The following TCIRG1 variants were observed in gnomAD, a reference collection of about 807,000 sequenced individuals.
TCIRG1 encodes the protein T cell immune regulator 1, ATPase H+ transporting V0 subunit a3.
Under a neutral mutation model 95.5 loss-of-function variants are expected in TCIRG1, and 86 were observed. That is an observed-to-expected ratio of 0.90 (90% confidence interval 0.76 to 1.08). The LOEUF (loss-of-function observed/expected upper bound fraction) is 1.08, where lower values mean the gene tolerates loss of function less well. TCIRG1 is among the 50% of genes least tolerant of loss of function. TCIRG1 has a pLI of 0.00. For synonymous variants in TCIRG1, 499 were observed against 501.3 expected (o/e 1.00, Z 0.06); for missense variants, 1,069 against 1,140.2 (o/e 0.94, Z 0.90).
intron 15 of TCIRG1, 108 bp from the exon 16 acceptor site, chr11:68,049,555 G>C (rs1855685635): frequency 6.8e-7 from 1 of 1,469,678 alleles, no homozygotes; most frequent in Non-Finnish European, 9.2e-7. Context: ...GGGGGCCCTG[G>C]AGGGAGGAGC....
chr11:68,040,833 C>T (rs549569064), intron 1 of TCIRG1, among the ~76,000 whole-genome samples: 194 of 152,324 alleles, frequency 1.3e-3, no homozygotes, highest in African/African-American at 4.5e-3. Context: ...CCACTCAGCA[C>T]ATGCAGCTCC....
At chr11:68,048,790 G>T in intron 13 of TCIRG1, 89 bp from the exon 14 acceptor site, 1 of 976,992 alleles carries the variant, frequency 1.0e-6, no homozygotes. Flanking sequence ...GGGAAAACAG[G>T]GTGGTGAGAG....
chr11:68,049,394 G>C, intron 15 of TCIRG1, 100 bp downstream of exon 15: 2 of 1,307,078 alleles, frequency 1.5e-6, no homozygotes, highest in Admixed American at 2.2e-5. Context: ...GAGAAACGGG[G>C]ATGCAGGCCC....
rs573002924 is a variant in TCIRG1, at chr11:68,050,140, G to A, written c.2122G>A (p.Val708Ile). The A allele has an allele frequency of 2.0e-5, 33 of 1,613,050 alleles. No homozygotes were observed. The highest frequency in any genetic ancestry group is 1.8e-4 in the East Asian group (8 of 44,872). Residue 708 changes from valine to isoleucine, a missense_variant, in exon 18 of 20, where the codon GTC (valine) becomes ATC (isoleucine). Physicochemically the swap from Val to Ile is conservative, Grantham distance 29 (BLOSUM62 3). Coordinates refer to ENST00000265686, the MANE Select transcript of TCIRG1 (RefSeq NM_006019.4). ...GLDDEEEAELVPSEVLMHQAI... is the reference protein window; with the variant it reads ...GLDDEEEAELIPSEVLMHQAI... ...CCTCACTGCACCCGCCCCGCAGCTCGTCCCCTCCGAGGTGCTCATGCACCA... is the reference window on the plus strand; with the variant it reads ...CCTCACTGCACCCGCCCCGCAGCTCATCCCCTCCGAGGTGCTCATGCACCA...
At position 68,049,213 on chromosome 11, in the gene TCIRG1, G is replaced by T; in HGVS notation, c.1806G>T (p.Ser602=). 8 of 1,613,800 alleles carry T rather than the reference G, an allele frequency of 5.0e-6. No homozygotes were observed. Among genetic ancestry groups the T allele is most frequent in the Non-Finnish European group, 5.9e-6 (7 of 1,180,006 alleles). The change falls in exon 15 of 20, where the codon TCG becomes TCT. Residue 602 remains serine (S), a synonymous_variant. Coordinates refer to ENST00000265686, the MANE Select transcript of TCIRG1 (RefSeq NM_006019.4). ...WLCVWAARAA[S]APSILIHFIN... ...GTGTCTGGGCTGCCAGGGCCGCCTCGGCCCCCAGCATCCTCATCCACTTCA... is the reference window on the plus strand; with the variant it reads ...GTGTCTGGGCTGCCAGGGCCGCCTCTGCCCCCAGCATCCTCATCCACTTCA...
rs1393973727 is a variant in TCIRG1, at chr11:68,049,982, G to T, written c.2034G>T (p.Leu678Phe). ...CCCAGGAGGAAAACAAGGCCGGGTT[G>T]CTGGACCTGCCTGACGCATCTGTGA... ...ADRQEENKAG[L>F]LDLPDASVNG... The change falls in exon 17 of 20, where the codon TTG becomes TTT. Residue 678 changes from leucine to phenylalanine, a missense_variant. By Grantham distance (22) the Leu-to-Phe change is conservative. Coordinates refer to ENST00000265686, the MANE Select transcript of TCIRG1 (RefSeq NM_006019.4). 3 of 1,612,232 alleles carry T rather than the reference G, an allele frequency of 1.9e-6. No homozygotes were observed. The highest frequency in any genetic ancestry group is 2.5e-6 in the Non-Finnish European group (3 of 1,179,742).
chr11:68,041,603 G>C, intron 2 of TCIRG1, 150 bp from the exon 3 acceptor site: 1 of 753,768 alleles, frequency 1.3e-6, no homozygotes, highest in Non-Finnish European at 2.3e-6. Flanking sequence ...TCTGGTCTGT[G>C]CTCTGATCTG....
rs879921769 is a variant in TCIRG1 at position 68,043,492 on chromosome 11, G to A, written c.625G>A (p.Val209Met). ...GCTGGAGCAGCCGCTGGAGCACCCC[G>A]TGACGGTGAGCAGCTGGCGCTGGGC... Reference protein sequence around the residue: ...RELEQPLEHPVTGEPATWMTF... With the variant: ...RELEQPLEHPMTGEPATWMTF... The change falls in exon 6 of 20, where the codon GTG (valine) becomes ATG (methionine). Residue 209 changes from valine (V) to methionine (M), a missense_variant. By Grantham distance (21) the Val-to-Met change is conservative. Coordinates refer to ENST00000265686, the MANE Select transcript of TCIRG1 (RefSeq NM_006019.4). 20 of 1,569,032 alleles carry A rather than the reference G, an allele frequency of 1.3e-5. No individual in the cohort carries two copies. The highest frequency in any genetic ancestry group is 1.7e-5 in the Non-Finnish European group (20 of 1,157,586).
At chr11:68,053,702 C>A, downstream of TCIRG1, 1 of 337,180 alleles carries the variant, frequency 3.0e-6, no homozygotes, top group Non-Finnish European at 5.5e-6. Context: ...CCTTAGCCCC[C>A]AAATATGAAA....
chr11:68,048,927 A>T lies in TCIRG1; in HGVS notation c.1603A>T (p.Met535Leu), dbSNP rs1405124204. The T allele has an allele frequency of 1.2e-5, 20 of 1,613,542 alleles. No individual in the cohort carries two copies. Among genetic ancestry groups the T allele is most frequent in the Non-Finnish European group, 1.7e-5 (20 of 1,180,032 alleles). Reference protein sequence around the residue: ...NHLSFLNSFKMKMSVILGVVH... With the variant: ...NHLSFLNSFKLKMSVILGVVH... ...CTTGAGCTTCCTCAACTCCTTCAAG[A>T]TGAAGATGTCCGTCATCCTGGGCGT... The change falls in exon 14 of 20, where the codon ATG becomes TTG. Residue 535 changes from methionine (M) to leucine (L), a missense_variant. Coordinates refer to ENST00000265686, the MANE Select transcript of TCIRG1 (RefSeq NM_006019.4).
Position 68,050,567 on chromosome 11 carries a change from C to T in TCIRG1, c.2317C>T (p.Leu773=), listed in dbSNP as rs759725605. The change falls in exon 19 of 20, where the codon CTG becomes TTG. Residue 773 remains leucine (L), a synonymous_variant. Coordinates refer to ENST00000265686, the MANE Select transcript of TCIRG1 (RefSeq NM_006019.4). ...GGAGGTGGGCGTGGCGGCTGTGGTG[C>T]TGGTCCCCATCTTTGCCGCCTTTGC... ...GREVGVAAVV[L]VPIFAAFAVM... 1 of 1,613,634 alleles carries T rather than the reference C, an allele frequency of 6.2e-7. No individual in the cohort carries two copies. Among genetic ancestry groups the T allele is most frequent in the Admixed American group, 1.7e-5 (1 of 60,030 alleles).
In TCIRG1 at chr11:68,044,294, T is replaced by TG. The variant is rs1565156743; in HGVS notation, c.971dup (p.Cys324TrpfsTer166). On this transcript the variant is annotated frameshift_variant, in exon 9 of 20. Transcript: ENST00000265686. LOFTEE classifies it high-confidence loss of function. ...CAAGTGCCTCATTGCCGAGGCCTGG[T>TG]GCTCTGTGCGAGACCTGCCCGCCCT... 6 of 1,604,836 alleles carry TG rather than the reference T, an allele frequency of 3.7e-6. No individual in the cohort carries two copies. The South Asian group carries it at 6.7e-5, about 18-fold the overall frequency.
chr11:68,050,474 C>T lies in TCIRG1; in HGVS notation c.2237-13C>T, dbSNP rs1041186809. The T allele has an allele frequency of 7.4e-6, 12 of 1,612,664 alleles. No individual in the cohort carries two copies. In the East Asian group the frequency reaches 2.5e-4, roughly 33 times the overall value. On this transcript the variant is annotated splice_polypyrimidine_tract_variant and intron_variant, in intron 18 of 19. Transcript: ENST00000265686. The stretch of plus-strand genomic sequence containing the variant: ...CACTTGCCGTTGGCCCCCACTGTCT[C>T]CTTTGCTTGCAGAGCTGTCCGAGGT...
chr11:68,041,398 G>C lies in TCIRG1; in HGVS notation c.117+10G>C. ...CGTGGAGTTCAGAGACGTGAGTTGG[G>C]TGGGCAGGCGTGGGAAGGGGGCTAC... On this transcript the variant is annotated intron_variant, in intron 2 of 19. Transcript: ENST00000265686. 6.3e-7 allele frequency: 1 copy of C among 1,579,178 alleles called. No individual in the cohort carries two copies. The highest frequency in any genetic ancestry group is 8.7e-7 in the Non-Finnish European group (1 of 1,150,418).
At chr11:68,045,635 C>T (rs1164884827) in intron 10 of TCIRG1, among the ~76,000 whole-genome samples, 1 of 151,626 alleles carries the variant, frequency 6.6e-6, no homozygotes, top group Non-Finnish European at 1.5e-5. Context: ...CTCACTGAAA[C>T]CTCCGCCTCC....
chr11:68,050,063 C>G lies in TCIRG1; in HGVS notation c.2115C>G (p.Ala705=). 1 of 1,613,174 alleles carries G rather than the reference C, an allele frequency of 6.2e-7. No individual in the cohort carries two copies. Among genetic ancestry groups the G allele is most frequent in the Non-Finnish European group, 8.5e-7 (1 of 1,179,864 alleles). The change falls in exon 17 of 20, where the codon GCC becomes GCG. Residue 705 remains alanine (A), a synonymous_variant. Coordinates refer to ENST00000265686, the MANE Select transcript of TCIRG1 (RefSeq NM_006019.4). The part of the protein sequence containing the change: ...KAGGLDDEEE[A]ELVPSEVLMH... Reference sequence around the variant, plus strand: ...GGGGCCTGGATGATGAAGAGGAGGCCGAGGTGGGTGCAGTGCCTTCCTGGG... The same window carrying G: ...GGGGCCTGGATGATGAAGAGGAGGCGGAGGTGGGTGCAGTGCCTTCCTGGG...
Position 68,047,676 on chromosome 11 carries a change from C to T in TCIRG1, c.1335C>T (p.Tyr445=). The T allele has an allele frequency of 6.2e-7, 1 of 1,613,566 alleles. No individual in the cohort carries two copies. Among genetic ancestry groups the T allele is most frequent in the Non-Finnish European group, 8.5e-7 (1 of 1,180,010 alleles). Residue 445 remains tyrosine (Y), a synonymous_variant, in exon 12 of 20, where the codon TAC becomes TAT. Transcript: ENST00000265686. ...GGCAGACTTTCTTCAGGGGCCGCTA[C>T]CTGCTCCTGCTTATGGGCCTGTTCT... ...EIWQTFFRGR[Y]LLLLMGLFSI...
intron 10 of TCIRG1, 89 bp downstream of exon 10, chr11:68,045,191 C>A (rs957245453): frequency 6.5e-6 from 10 of 1,532,472 alleles, no homozygotes; most frequent in Middle Eastern, 2.1e-4. Context: ...TATCTCCATC[C>A]TGGGCCTGGC....
intron 7 of TCIRG1, 53 bp from the exon 8 acceptor site, chr11:68,043,759 CAG>C: frequency 6.5e-7 from 1 of 1,542,772 alleles, no homozygotes; most frequent in Non-Finnish European, 8.8e-7. Flanking sequence ...CCTTCAGACT[CAG>C]AGTCTCGTAG....
Sources: gnomAD v4.1 joint callset for allele counts (sites outside exome capture counted in the v4.1 genomes callset) on GRCh38, gnomAD v4.1.1 for gene constraint, MANE v1.5 for transcripts, NCBI Gene and HGNC (gene_info 2026-07-23, HGNC 2026-07-21) for gene names.